The following PTPN20 variants were observed in gnomAD, a reference collection of about 807,000 sequenced individuals.
PTPN20 encodes protein tyrosine phosphatase non-receptor type 20.
Under a neutral mutation model 35.0 loss-of-function variants are expected in PTPN20, and 9 were observed. That is an observed-to-expected ratio of 0.26 (90% CI 0.15 to 0.45). The LOEUF (loss-of-function observed/expected upper bound fraction) is 0.45, where lower values mean the gene tolerates loss of function less well. Ranked by LOEUF, PTPN20 falls within the 20% of genes least tolerant of loss-of-function variation. The probability of loss-of-function intolerance (pLI) is 1.00; values close to 1 mark genes in which losing one functional copy is unlikely to be tolerated. For synonymous variants in PTPN20, 32 were observed against 100.2 expected, an observed-to-expected ratio of 0.32 and a Z score of 4.06; for missense variants, 111 against 312.5, an observed-to-expected ratio of 0.36 and a Z score of 4.86.
chr10:46,976,048 A>G lies in PTPN20; in HGVS notation c.583+8001A>G, dbSNP rs1360036606. Among the ~76,000 whole-genome samples, 8 of 146,676 alleles carry G rather than the reference A, an allele frequency of 5.5e-5. No individual in the cohort carries two copies. In the East Asian group the frequency reaches 5.9e-4, roughly 11 times the overall value. ...AACCTCAAACTCCTGAGCTCAAGCA[A>G]TCCTCCCACCTCAGCTTCCCAAGTA... On this transcript the variant is annotated intron_variant, in intron 7 of 10. Coordinates refer to ENST00000374339, the MANE Select transcript of PTPN20 (RefSeq NM_001042357.5).
intron 9 of PTPN20, among the ~76,000 whole-genome samples, chr10:46,995,436 A>G (rs2137725855): frequency 6.6e-6 from 1 of 150,976 alleles, no homozygotes; most frequent in Admixed American, 6.6e-5. Context: ...GTAAACAATA[A>G]GAGAGCTGCT....
At chr10:46,960,498 T>G (rs1421842635) in intron 5 of PTPN20, among the ~76,000 whole-genome samples, 1 of 150,836 alleles carries the variant, frequency 6.6e-6, no homozygotes, top group African/African-American at 2.4e-5. Flanking sequence ...CATTTCCACT[T>G]TATTATTTTT....
chr10:46,940,158 A>G (rs1351689088), intron 2 of PTPN20, among the ~76,000 whole-genome samples: 5 of 149,172 alleles, frequency 3.4e-5, no homozygotes, highest in Non-Finnish European at 7.4e-5. Context: ...GCCGAAAACA[A>G]TTTTCTGTAT....
Position 46,929,161 on chromosome 10 carries a change from A to G in PTPN20, c.-123-3216A>G, listed in dbSNP as rs1201545535. ...TACAGTATTCAGTGACTCTCCAATTATGTCACCCTGCCACCTGAGGAAAGG... is the reference window on the plus strand; with the variant it reads ...TACAGTATTCAGTGACTCTCCAATTGTGTCACCCTGCCACCTGAGGAAAGG... On this transcript the variant is annotated intron_variant, in intron 1 of 10. Coordinates refer to ENST00000374339, the MANE Select transcript of PTPN20 (RefSeq NM_001042357.5). 2.2e-4 allele frequency among the ~76,000 whole-genome samples: 16 copies of G among 74,390 alleles called. No homozygotes were observed. The South Asian group carries it at 2.9e-3, about 14-fold the overall frequency. The allele number at this position is 74,390 out of a possible 152,430, so 48.8% of individuals were successfully genotyped here.
chr10:46,948,253 G>A (rs1274994419), intron 5 of PTPN20, among the ~76,000 whole-genome samples: 12 of 151,928 alleles, frequency 7.9e-5, no homozygotes, highest in Admixed American at 4.6e-4. Context: ...CGTTTTGTTT[G>A]CATTTTTCAT....
intron 1 of PTPN20, among the ~76,000 whole-genome samples, chr10:46,923,009 A>G (rs1252008150): frequency 1.4e-5 from 2 of 141,094 alleles, no homozygotes; most frequent in Non-Finnish European, 3.0e-5. Context: ...TTTAGAGGCA[A>G]TTTTGACTTA....
intron 5 of PTPN20, among the ~76,000 whole-genome samples, chr10:46,952,779 A>G (rs2047081503): frequency 6.6e-6 from 1 of 151,938 alleles, no homozygotes. Flanking sequence ...GATCACCTGC[A>G]TTGCAGACGT....
At chr10:46,999,245 G>A (rs1024755463) in intron 9 of PTPN20, among the ~76,000 whole-genome samples, 19 of 152,280 alleles carry the variant, frequency 1.2e-4, no homozygotes, top group African/African-American at 4.6e-4. Flanking sequence ...ACAATGTCTT[G>A]CTGAAACGAC....
intron 9 of PTPN20, among the ~76,000 whole-genome samples, chr10:46,997,896 G>A (rs2059423225): frequency 6.6e-6 from 1 of 152,132 alleles, no homozygotes; most frequent in African/African-American, 2.4e-5. Context: ...TGTAAAAATA[G>A]TGACAGCACC....
Position 46,932,444 on chromosome 10 carries a change from A to G in PTPN20, c.-56A>G, listed in dbSNP as rs1313103625. On this transcript the variant is annotated 5_prime_UTR_variant, in exon 2 of 11. Coordinates refer to ENST00000374339, the MANE Select transcript of PTPN20 (RefSeq NM_001042357.5). Reference sequence around the variant, plus strand: ...CCTTTGGCCTGACTCACAGGACACTAAGGCTCCTTTTCTGAAGAAGCCTTT... The same window carrying G: ...CCTTTGGCCTGACTCACAGGACACTGAGGCTCCTTTTCTGAAGAAGCCTTT... 6.2e-7 allele frequency: 1 copy of G among 1,611,748 alleles called. No individual in the cohort carries two copies. The highest frequency in any genetic ancestry group is 1.3e-5 in the African/African-American group (1 of 74,838).
At chr10:46,993,586 A>G (rs2058433986) in intron 9 of PTPN20, among the ~76,000 whole-genome samples, 1 of 152,194 alleles carries the variant, frequency 6.6e-6, no homozygotes, top group Non-Finnish European at 1.5e-5. Context: ...AGTGGATCTC[A>G]ATAAGCTATT....
At chr10:46,927,323 T>TA (rs2037790381) in intron 1 of PTPN20, among the ~76,000 whole-genome samples, 1 of 122,766 alleles carries the variant, frequency 8.1e-6, no homozygotes, top group Non-Finnish European at 1.7e-5. Context: ...TTGATAAAAA[T>TA]AAAAAACAAA....
intron 5 of PTPN20, among the ~76,000 whole-genome samples, chr10:46,950,580 T>C (rs1375364666): frequency 6.6e-6 from 1 of 152,056 alleles, no homozygotes; most frequent in Non-Finnish European, 1.5e-5. Flanking sequence ...TAAAGATATT[T>C]TACTTAATTA....
chr10:46,945,589 T>C (rs2044499935), intron 4 of PTPN20, among the ~76,000 whole-genome samples: 2 of 152,218 alleles, frequency 1.3e-5, no homozygotes, highest in South Asian at 4.1e-4. Context: ...TATCCTGATA[T>C]TGGTGGGCAG....
chr10:46,941,925 T>C (rs2043657392), intron 3 of PTPN20, among the ~76,000 whole-genome samples: 1 of 85,118 alleles, frequency 1.2e-5, no homozygotes, highest in Non-Finnish European at 2.1e-5. Context: ...GATATGATGC[T>C]GTCCCCTAGA....
intron 5 of PTPN20, among the ~76,000 whole-genome samples, chr10:46,960,419 T>A (rs568460628): frequency 8.3e-6 from 1 of 120,876 alleles, no homozygotes; most frequent in Admixed American, 8.1e-5. Context: ...TTTTCTTGCC[T>A]CTGTGAAATC....
chr10:46,937,247 A>G (rs1164224661), intron 2 of PTPN20, among the ~76,000 whole-genome samples: 1 of 147,402 alleles, frequency 6.8e-6, no homozygotes, highest in Non-Finnish European at 1.5e-5. Flanking sequence ...ATTTCTGATG[A>G]GAAATCCATC....
Position 46,997,661 on chromosome 10 carries a change from A to G in PTPN20, c.1135-2251A>G, listed in dbSNP as rs1398982333. 3.3e-5 allele frequency among the ~76,000 whole-genome samples: 5 copies of G among 151,962 alleles called. No homozygotes were observed. The East Asian group carries it at 5.8e-4, about 18-fold the overall frequency. On this transcript the variant is annotated intron_variant, in intron 9 of 10. Coordinates refer to ENST00000374339, the MANE Select transcript of PTPN20 (RefSeq NM_001042357.5). Reference sequence around the variant, plus strand: ...TAGAGAGTAACTATATGCAGGGCACATATCCAACAAAGGCCTTGGATCTAG... The same window carrying G: ...TAGAGAGTAACTATATGCAGGGCACGTATCCAACAAAGGCCTTGGATCTAG...
At chr10:46,932,736 A>G (rs1274997065) in intron 2 of PTPN20, among the ~76,000 whole-genome samples, 3,484 of 149,488 alleles carry the variant, frequency 0.023, no homozygotes, top group Non-Finnish European at 0.035. Context: ...ATTAAACTCT[A>G]GTGTTTTACT....
Sources: allele counts gnomAD v4.1 joint callset (sites outside exome capture counted in the v4.1 genomes callset), GRCh38; gene constraint gnomAD v4.1.1; transcripts MANE v1.5; gene names NCBI Gene and HGNC (gene_info 2026-07-23, HGNC 2026-07-21).